Variants in APC observed in about 807,000 individuals in gnomAD.
The protein encoded by APC is adenomatous polyposis coli protein.
Under a neutral mutation model 247.0 loss-of-function variants are expected in APC, and 72 were observed. The ratio of observed to expected loss-of-function variants is 0.29; its 90% CI spans 0.24 to 0.35. APC has a LOEUF of 0.35. Among genes scored for constraint, APC ranks in the 10% least tolerant of loss-of-function variants. The pLI is 1.00. For synonymous variants in APC, 1,254 were observed against 1,162.5 expected (o/e 1.08, Z -1.60); for missense variants, 3,400 against 3,360.7 (o/e 1.01, Z -0.29).
At chr5:112,828,720 A>AT (rs1318310577) in intron 13 of APC, 136 bp from the exon 14 acceptor site, 1 of 650,302 alleles carries the variant, frequency 1.5e-6, no homozygotes, top group Non-Finnish European at 2.8e-6. Flanking sequence ...AAGTGATAGG[A>AT]TTACAGGCGT....
Position 112,828,885 on chromosome 5 carries a change from T to C in APC, c.1656T>C (p.Ser552=). 6.2e-7 allele frequency: 1 copy of C among 1,613,832 alleles called. No homozygotes were observed. The highest frequency in any genetic ancestry group is 8.5e-7 in the Non-Finnish European group (1 of 1,179,776). ...TTGCGAGTGTTTTGAGGAATTTGTC[T>C]TGGCGAGCAGATGTAAATAGTAAAA... ...QVIASVLRNL[S]WRADVNSKKT... The change falls in exon 14 of 16, where the codon TCT becomes TCC. Residue 552 remains serine (S), a synonymous_variant. Coordinates refer to ENST00000257430, the MANE Select transcript of APC (RefSeq NM_000038.6).
intron 2 of APC, among the ~76,000 whole-genome samples, chr5:112,757,892 T>C (rs1755172400): frequency 6.6e-6 from 1 of 152,138 alleles, no homozygotes; most frequent in Non-Finnish European, 1.5e-5. Flanking sequence ...ATTAAGGAAA[T>C]ATTTATTTTT....
At chr5:112,804,409 A>T (rs1397619472) in intron 8 of APC, among the ~76,000 whole-genome samples, 1 of 152,092 alleles carries the variant, frequency 6.6e-6, no homozygotes, top group Non-Finnish European at 1.5e-5. Flanking sequence ...TTGGAGACAG[A>T]GTCTCGCTCT....
intron 5 of APC, chr5:112,778,302 C>G (rs1412591066): frequency 6.6e-6 from 1 of 152,224 alleles, no homozygotes; most frequent in Non-Finnish European, 1.5e-5. Context: ...TCTCCCTCTC[C>G]ATGTCAATGA....
intron 8 of APC, among the ~76,000 whole-genome samples, chr5:112,803,003 A>G (rs949500765): frequency 2.0e-5 from 3 of 152,164 alleles, no homozygotes; most frequent in Admixed American, 6.5e-5. Flanking sequence ...AAATAAAAGA[A>G]GAAATTAAAA....
At chr5:112,782,077 G>A (rs59583299) in intron 6 of APC, among the ~76,000 whole-genome samples, 2,222 of 152,304 alleles carry the variant, frequency 0.015, 59 homozygotes, top group African/African-American at 0.051. Flanking sequence ...AGACTGGGCA[G>A]TTTACAAAAG....
At chr5:112,820,744 G>A (rs914316236) in intron 10 of APC, among the ~76,000 whole-genome samples, 7 of 152,152 alleles carry the variant, frequency 4.6e-5, no homozygotes, top group African/African-American at 1.7e-4. Flanking sequence ...CTCGTGCATA[G>A]TATTGAATGT....
chr5:112,831,829 C>T (rs1368591392), intron 14 of APC, among the ~76,000 whole-genome samples: 1 of 152,180 alleles, frequency 6.6e-6, no homozygotes. Context: ...GCTTCTATTA[C>T]AGTGTTTCTC....
At chr5:112,832,839 A>T (rs1223785619) in intron 14 of APC, among the ~76,000 whole-genome samples, 1 of 152,066 alleles carries the variant, frequency 6.6e-6, no homozygotes, top group Non-Finnish European at 1.5e-5. Flanking sequence ...ATATTTTTGT[A>T]TCTTTTTTTC....
At chr5:112,756,140 A>G (rs1754959612) in intron 2 of APC, among the ~76,000 whole-genome samples, 1 of 151,926 alleles carries the variant, frequency 6.6e-6, no homozygotes, top group Admixed American at 6.6e-5. Flanking sequence ...TATTCTCCAG[A>G]CTTTTGTGTG....
chr5:112,839,929 A>C lies in APC; in HGVS notation c.4335A>C (p.Thr1445=). 1 of 1,614,156 alleles carries C rather than the reference A, an allele frequency of 6.2e-7. No individual in the cohort carries two copies. Among genetic ancestry groups the C allele is most frequent in the East Asian group, 2.2e-5 (1 of 44,876 alleles). The part of the protein sequence containing the change: ...RSKTPPPPPQ[T]AQTKREVPKN... ...AAACACCTCCACCACCTCCTCAAAC[A>C]GCTCAAACCAAGCGAGAAGTACCTA... Residue 1445 remains threonine (T), a synonymous_variant, in exon 16 of 16, where the codon ACA becomes ACC. Coordinates refer to ENST00000257430, the MANE Select transcript of APC (RefSeq NM_000038.6). The surrounding 1 kb of genome is among the most constrained non-coding windows in gnomAD (Gnocchi z 5.0).
At position 112,756,803 on chromosome 5, in the gene APC, A is replaced by G. The variant is rs113183051; in HGVS notation, c.135+1778A>G. ...GTGGAATATCTAGTTGATCATTTAT[A>G]TGTGTGGTATAATACAAGTTGAGTA... On this transcript the variant is annotated intron_variant, in intron 2 of 15. Transcript: ENST00000257430. Among the ~76,000 whole-genome samples, 765 of 152,340 alleles carry G rather than the reference A, an allele frequency of 5.0e-3. 8 individuals carry two copies. The highest frequency in any genetic ancestry group is 0.018 in the African/African-American group (732 of 41,574).
At chr5:112,797,918 A>G (rs1760383715) in intron 7 of APC, among the ~76,000 whole-genome samples, 1 of 152,236 alleles carries the variant, frequency 6.6e-6, no homozygotes, top group Non-Finnish European at 1.5e-5. Flanking sequence ...TTTAATCATA[A>G]AGGCAATAAT....
intron 5 of APC, among the ~76,000 whole-genome samples, chr5:112,776,708 G>A (rs1010357337): frequency 1.3e-5 from 2 of 152,090 alleles, no homozygotes; most frequent in Non-Finnish European, 2.9e-5. Flanking sequence ...AGACATGGTG[G>A]TGCATGCCTG....
intron 2 of APC, among the ~76,000 whole-genome samples, chr5:112,755,834 G>T (rs1298974659): frequency 6.6e-6 from 1 of 151,980 alleles, no homozygotes; most frequent in Non-Finnish European, 1.5e-5. Flanking sequence ...CTTCCACCGG[G>T]TGTGATGGCT....
intron 3 of APC, 140 bp downstream of exon 3, chr5:112,766,550 A>G: frequency 1.6e-6 from 1 of 624,286 alleles, no homozygotes; most frequent in South Asian, 2.0e-5. Context: ...CTCAGGATGT[A>G]ATTGTTAAAG....
At chr5:112,836,678 A>G (rs757557155) in intron 15 of APC, among the ~76,000 whole-genome samples, 1 of 152,074 alleles carries the variant, frequency 6.6e-6, no homozygotes, top group Non-Finnish European at 1.5e-5. Flanking sequence ...TAATAAGCAC[A>G]CAGTCTGCCA....
intron 2 of APC, among the ~76,000 whole-genome samples, chr5:112,764,210 C>A (rs1268975681): frequency 6.7e-6 from 1 of 149,380 alleles, no homozygotes; most frequent in Non-Finnish European, 1.5e-5. Context: ...TGCGCCACTG[C>A]TCTCCAGCCT....
At chr5:112,756,222 A>G (rs1754969596) in intron 2 of APC, among the ~76,000 whole-genome samples, 1 of 152,102 alleles carries the variant, frequency 6.6e-6, no homozygotes, top group Non-Finnish European at 1.5e-5. Context: ...ACCTTTGCTC[A>G]TGTGTCCTAT....
Sources: gnomAD v4.1 joint callset for allele counts (sites outside exome capture counted in the v4.1 genomes callset) on GRCh38, gnomAD v4.1.1 for gene constraint, Gnocchi (gnomAD v3.1) non-coding constraint, MANE v1.5 for transcripts, NCBI Gene and HGNC (gene_info 2026-07-23, HGNC 2026-07-21) for gene names.